SLC9C2: variants seen among roughly 807,000 people sequenced by gnomAD.
SLC9C2 encodes sodium/hydrogen exchanger 11.
SLC9C2 carries 75 observed loss-of-function variants against 140.2 expected under a neutral mutation model. The observed-to-expected ratio is 0.53, with a 90% CI of 0.44 to 0.65. The LOEUF is 0.65. Among genes scored for constraint, SLC9C2 ranks in the 30% least tolerant of loss-of-function variants. SLC9C2 has a pLI of 0.00. For synonymous variants in SLC9C2, 375 were observed against 420.9 expected, an observed-to-expected ratio of 0.89 and a Z score of 1.34; for missense variants, 1,074 against 1,331.8, an observed-to-expected ratio of 0.81 and a Z score of 3.01.
intron 24 of SLC9C2, among the ~76,000 whole-genome samples, chr1:173,508,567 C>G (rs767126288): frequency 7.9e-5 from 12 of 152,122 alleles, no homozygotes; most frequent in Non-Finnish European, 1.6e-4. Flanking sequence ...CCCCTTATCC[C>G]TCTGCTAAAA....
intron 27 of SLC9C2, 104 bp downstream of exon 27, chr1:173,503,162 T>C: frequency 1.2e-6 from 1 of 838,168 alleles, no homozygotes. Context: ...AGGAGTGTCT[T>C]TTCTCACCAC....
chr1:173,594,538 G>A lies in SLC9C2; in HGVS notation c.357+3366C>T, dbSNP rs138348023. ...GGAGTTGGATGCAAGAAGGAGCAGT[G>A]AGCAAAGAAATGGAAATTGATAAGC... On this transcript the variant is annotated intron_variant, in intron 4 of 27. Coordinates refer to ENST00000367714, the MANE Select transcript of SLC9C2 (RefSeq NM_178527.4). 2.8e-4 allele frequency among the ~76,000 whole-genome samples: 42 copies of A among 152,260 alleles called. 1 individual carries two copies. In the South Asian group the frequency reaches 7.7e-3, roughly 28 times the overall value.
chr1:173,551,444 T>C (rs894514180), intron 11 of SLC9C2, among the ~76,000 whole-genome samples: 1 of 152,218 alleles, frequency 6.6e-6, no homozygotes, highest in Non-Finnish European at 1.5e-5. Context: ...TTGCAGATAT[T>C]ACAGTTCTTA....
At chr1:173,584,997 A>G (rs1665766453) in intron 5 of SLC9C2, among the ~76,000 whole-genome samples, 1 of 152,196 alleles carries the variant, frequency 6.6e-6, no homozygotes, top group Non-Finnish European at 1.5e-5. Context: ...GAATAAAACA[A>G]ATCTTCTATA....
chr1:173,595,924 T>A (rs12079259), intron 4 of SLC9C2, among the ~76,000 whole-genome samples: 24,104 of 152,116 alleles, frequency 0.16, 6,359 homozygotes, highest in African/African-American at 0.55. Context: ...TCATGCTATA[T>A]CTTTGTGGTC....
intron 21 of SLC9C2, among the ~76,000 whole-genome samples, chr1:173,522,105 G>C (rs1436400538): frequency 3.3e-5 from 5 of 151,790 alleles, no homozygotes; most frequent in Non-Finnish European, 7.4e-5. Context: ...GCGGGCGCCT[G>C]TAGTCCCAGC....
intron 11 of SLC9C2, among the ~76,000 whole-genome samples, chr1:173,550,910 A>AGAGAGAGAGAGAGAGAG (rs1663250391): frequency 4.2e-5 from 2 of 47,736 alleles, no homozygotes; most frequent in African/African-American, 1.5e-4. Flanking sequence ...GAGAGAGAGA[A>AGAGAGAGAGAGAGAGAG]GGAAGGGAAG....
chr1:173,505,795 A>G (rs1426393339), intron 25 of SLC9C2, among the ~76,000 whole-genome samples: 2 of 152,092 alleles, frequency 1.3e-5, no homozygotes, highest in African/African-American at 4.8e-5. Context: ...ATATTATCTC[A>G]TTTAATCCTC....
intron 11 of SLC9C2, among the ~76,000 whole-genome samples, chr1:173,553,261 T>G (rs1296090114): frequency 6.6e-6 from 1 of 152,260 alleles, no homozygotes; most frequent in African/African-American, 2.4e-5. Flanking sequence ...CTGGTGAAGA[T>G]GCTGTGAACA....
intron 22 of SLC9C2, among the ~76,000 whole-genome samples, chr1:173,518,119 C>T (rs187410977): frequency 1.3e-5 from 2 of 152,026 alleles, no homozygotes; most frequent in Non-Finnish European, 2.9e-5. Flanking sequence ...AAAAATTAGT[C>T]GAGCATGGTG....
At chr1:173,549,557 G>C (rs1663104983) in intron 11 of SLC9C2, among the ~76,000 whole-genome samples, 1 of 152,182 alleles carries the variant, frequency 6.6e-6, no homozygotes, top group African/African-American at 2.4e-5. Flanking sequence ...CAGTACATCT[G>C]AATATACTCC....
At chr1:173,507,778 G>C (rs1357001779) in intron 24 of SLC9C2, among the ~76,000 whole-genome samples, 1 of 152,162 alleles carries the variant, frequency 6.6e-6, no homozygotes, top group African/African-American at 2.4e-5. Flanking sequence ...GCCTGGCCCA[G>C]ATTCTCCCTC....
chr1:173,584,918 G>A (rs954810206), intron 5 of SLC9C2, among the ~76,000 whole-genome samples: 8 of 151,732 alleles, frequency 5.3e-5, no homozygotes, highest in African/African-American at 1.9e-4. Context: ...TTCTCTTTTG[G>A]CTTAATGTGG....
In SLC9C2 at chr1:173,583,562, G is replaced by A. The variant is rs751134659; in HGVS notation, c.584C>T (p.Ala195Val). The part of the protein sequence containing the change: ...RGESLIICSI[A>V]SIFFGNFRGN... ...CCGAAAATTTCCAAAAAAAATTGAT[G>A]CGATGCTACAAATGATCAATGATTC... Residue 195 changes from alanine (A) to valine (V), a missense_variant, in exon 6 of 28, where the codon GCA (alanine) becomes GTA (valine). Transcript: ENST00000367714. 39 of 1,611,026 alleles carry A rather than the reference G, an allele frequency of 2.4e-5. No homozygotes were observed. Among genetic ancestry groups the A allele is most frequent in the Non-Finnish European group, 2.9e-5 (34 of 1,178,762 alleles).
intron 21 of SLC9C2, among the ~76,000 whole-genome samples, chr1:173,521,885 C>CAAAAAAAAAAAAAAAAAA (rs58355008): frequency 1.3e-5 from 1 of 76,948 alleles, no homozygotes; most frequent in Non-Finnish European, 2.5e-5. Flanking sequence ...GGGCGCTATG[C>CAAAAAAAAAAAAAAAAAA]AAAAAAAAAA....
intron 17 of SLC9C2, among the ~76,000 whole-genome samples, chr1:173,532,232 C>T (rs1221654290): frequency 1.3e-5 from 2 of 152,086 alleles, no homozygotes; most frequent in African/African-American, 4.8e-5. Context: ...TGCATTTCAC[C>T]ATCAGAGTTT....
At position 173,547,757 on chromosome 1, in the gene SLC9C2, T is replaced by C; in HGVS notation, c.1489A>G (p.Lys497Glu). 6.2e-7 allele frequency: 1 copy of C among 1,612,266 alleles called. No homozygotes were observed. Among genetic ancestry groups the C allele is most frequent in the Non-Finnish European group, 8.5e-7 (1 of 1,178,696 alleles). ...PFSHVSHNDM[K>E]TESTTDEALM... ...GCTTCATCTGTTGTGGATTCTGTCT[T>C]CATATCATTATGTGAAACGTGGGAA... Residue 497 changes from lysine (K) to glutamate (E), a missense_variant, in exon 13 of 28, where the codon AAG (lysine) becomes GAG (glutamate). Lys to Glu is a moderately conservative substitution (Grantham distance 56). Transcript: ENST00000367714.
chr1:173,554,663 C>A, intron 11 of SLC9C2, 70 bp downstream of exon 11: 1 of 950,792 alleles, frequency 1.1e-6, no homozygotes, highest in South Asian at 1.4e-5. Flanking sequence ...GAAATGTCCC[C>A]ATGACACCCA....
At chr1:173,549,976 G>A (rs966573444) in intron 11 of SLC9C2, among the ~76,000 whole-genome samples, 4 of 152,188 alleles carry the variant, frequency 2.6e-5, no homozygotes, top group African/African-American at 9.6e-5. Flanking sequence ...AGTCAACTGG[G>A]TCAGGATCCC....
Sources: gnomAD v4.1 joint callset for allele counts (sites outside exome capture counted in the v4.1 genomes callset) on GRCh38, gnomAD v4.1.1 for gene constraint, MANE v1.5 for transcripts, NCBI Gene and HGNC (gene_info 2026-07-23, HGNC 2026-07-21) for gene names.